The following CFAP221 variants were observed in gnomAD, a reference collection of about 807,000 sequenced individuals.
CFAP221 encodes cilia- and flagella-associated protein 221.
A neutral mutation model predicts 113.1 loss-of-function variants in CFAP221; 97 were observed. The observed-to-expected ratio is 0.86, with a 90% CI of 0.73 to 1.02. The LOEUF (loss-of-function observed/expected upper bound fraction) is 1.02, where lower values mean the gene tolerates loss of function less well. Among genes scored for constraint, CFAP221 ranks in the 50% least tolerant of loss-of-function variants. The pLI, the probability that CFAP221 is intolerant of heterozygous loss-of-function variation, is 0.00. For missense variants in CFAP221, 1,025 were observed against 1,013.4 expected, an observed-to-expected ratio of 1.01 and a Z score of -0.16; for synonymous variants, 331 against 354.4, an observed-to-expected ratio of 0.93 and a Z score of 0.74.
At chr2:119,630,049 T>C (rs753945922) in intron 17 of CFAP221, 94 bp downstream of exon 17, 11 of 1,093,856 alleles carry the variant, frequency 1.0e-5, no homozygotes, top group Admixed American at 2.1e-5. Context: ...AGTTTTGCTT[T>C]ATGGTAGATT....
chr2:119,561,866 T>C (rs1681265173), intron 5 of CFAP221, 148 bp from the exon 6 acceptor site: 2 of 603,958 alleles, frequency 3.3e-6, no homozygotes, highest in Non-Finnish European at 5.7e-6. Flanking sequence ...GAAAACTCAG[T>C]ATGTCTAATG....
intron 2 of CFAP221, among the ~76,000 whole-genome samples, chr2:119,548,721 A>G (rs1487460707): frequency 2.6e-5 from 4 of 152,228 alleles, no homozygotes; most frequent in Non-Finnish European, 5.9e-5. Context: ...TCATTATGTA[A>G]TAAGTAATCT....
chr2:119,590,924 T>C (rs1169489349), intron 7 of CFAP221, among the ~76,000 whole-genome samples: 1 of 152,120 alleles, frequency 6.6e-6, no homozygotes, highest in Non-Finnish European at 1.5e-5. Flanking sequence ...TGAGACCAGA[T>C]CTCCAGCACA....
intron 6 of CFAP221, among the ~76,000 whole-genome samples, chr2:119,573,712 T>C (rs1388704545): frequency 2.0e-5 from 3 of 152,180 alleles, no homozygotes; most frequent in Non-Finnish European, 2.9e-5. Flanking sequence ...AAAGAATTTT[T>C]AAAAAGCCTA....
At chr2:119,603,804 A>G (rs955075247) in intron 8 of CFAP221, among the ~76,000 whole-genome samples, 3 of 152,314 alleles carry the variant, frequency 2.0e-5, no homozygotes, top group Middle Eastern at 3.4e-3. Context: ...AATTTCTAAA[A>G]AAAGAAAAAA....
chr2:119,567,376 G>A (rs1259055321), intron 6 of CFAP221, among the ~76,000 whole-genome samples: 3 of 152,196 alleles, frequency 2.0e-5, no homozygotes, highest in South Asian at 2.1e-4. Context: ...ATAGTATTTA[G>A]TCTTTTTCTG....
intron 12 of CFAP221, 81 bp downstream of exon 12, chr2:119,608,670 G>A: frequency 8.3e-6 from 10 of 1,203,674 alleles, no homozygotes; most frequent in Non-Finnish European, 1.2e-5. Flanking sequence ...GCCAGGTGGA[G>A]GAAAACCCAC....
In CFAP221 at chr2:119,656,399, G is replaced by A. The variant is rs150186399; in HGVS notation, c.2452G>A (p.Gly818Arg). Residue 818 changes from glycine to arginine, a missense_variant, in exon 24 of 24, where the codon GGA becomes AGA. Gly to Arg is a moderately radical substitution (Grantham distance 125). Coordinates refer to ENST00000413369, the MANE Select transcript of CFAP221 (RefSeq NM_001271049.2). ...TCAAGCACAACCAGCAGAGAAGGCCGGAGAGAAGCTGCTCGAGGAGATGAG... is the reference window on the plus strand; with the variant it reads ...TCAAGCACAACCAGCAGAGAAGGCCAGAGAGAAGCTGCTCGAGGAGATGAG... ...KDQAQPAEKAGEKLLEEMRNL... is the reference protein window; with the variant it reads ...KDQAQPAEKAREKLLEEMRNL... 30 of 1,613,870 alleles carry A rather than the reference G, an allele frequency of 1.9e-5. No homozygotes were observed. Among genetic ancestry groups the A allele is most frequent in the African/African-American group, 4.0e-5 (3 of 74,876 alleles).
intron 5 of CFAP221, among the ~76,000 whole-genome samples, chr2:119,561,639 C>T (rs1255319619): frequency 1.3e-5 from 2 of 152,174 alleles, no homozygotes; most frequent in African/African-American, 4.8e-5. Context: ...ACATTGTTTT[C>T]TATTCTGTGC....
At chr2:119,570,339 C>G (rs990525181) in intron 6 of CFAP221, among the ~76,000 whole-genome samples, 3 of 152,208 alleles carry the variant, frequency 2.0e-5, no homozygotes, top group African/African-American at 7.2e-5. Context: ...TCTGATTTCA[C>G]AGCATGAACA....
intron 2 of CFAP221, among the ~76,000 whole-genome samples, chr2:119,547,377 T>C (rs368893479): frequency 6.6e-6 from 1 of 152,008 alleles, no homozygotes; most frequent in East Asian, 1.9e-4. Context: ...CTGAACAACA[T>C]GGTGAAACCC....
At chr2:119,658,760 C>T (rs974857835), downstream of CFAP221, among the ~76,000 whole-genome samples, 1 of 152,026 alleles carries the variant, frequency 6.6e-6, no homozygotes, top group Non-Finnish European at 1.5e-5. Flanking sequence ...GTGAGCAGAT[C>T]GCTTGAGCCT....
At chr2:119,546,061 A>G in intron 1 of CFAP221, 24 bp from the exon 2 acceptor site, 2 of 1,431,232 alleles carry the variant, frequency 1.4e-6, no homozygotes, top group East Asian at 2.5e-5. Context: ...ATGGATGATT[A>G]TACTGCTGCT....
intron 6 of CFAP221, among the ~76,000 whole-genome samples, chr2:119,586,525 C>T (rs546934519): frequency 2.0e-5 from 3 of 152,300 alleles, no homozygotes; most frequent in Non-Finnish European, 2.9e-5. Context: ...ACCTCCTCCA[C>T]GTTCTCTAAT....
At position 119,653,689 on chromosome 2, in the gene CFAP221, G is replaced by A. The variant is rs923841381; in HGVS notation, c.2414+1620G>A. Among the ~76,000 whole-genome samples the A allele has an allele frequency of 6.6e-5, 10 of 152,060 alleles. 1 individual carries two copies. Among genetic ancestry groups the A allele is most frequent in the East Asian group, 3.9e-4 (2 of 5,186 alleles). On this transcript the variant is annotated intron_variant, in intron 23 of 23. Coordinates refer to ENST00000413369, the MANE Select transcript of CFAP221 (RefSeq NM_001271049.2). ...CTTAGGATAAATTCTAGATCAATGCGCATTTTAAGGTTTTAATATATATTG... is the reference window on the plus strand; with the variant it reads ...CTTAGGATAAATTCTAGATCAATGCACATTTTAAGGTTTTAATATATATTG...
At chr2:119,651,942 C>A in intron 22 of CFAP221, 32 bp from the exon 23 acceptor site, 2 of 1,488,380 alleles carry the variant, frequency 1.3e-6, no homozygotes, top group Non-Finnish European at 1.9e-6. Context: ...GAAGGAAAAG[C>A]AGTGCCCACT....
intron 6 of CFAP221, 150 bp downstream of exon 6, chr2:119,562,264 AAAGC>A: frequency 8.7e-6 from 5 of 575,424 alleles, no homozygotes; most frequent in African/African-American, 1.9e-5. Context: ...AAAAAAAAAA[AAAGC>A]AAAAGCAAAA....
intron 13 of CFAP221, 133 bp downstream of exon 13, chr2:119,611,875 C>G: frequency 1.4e-6 from 1 of 738,922 alleles, no homozygotes. Context: ...CATACATTTT[C>G]AGAATGTTAC....
intron 14 of CFAP221, among the ~76,000 whole-genome samples, chr2:119,620,409 A>G (rs970723826): frequency 3.3e-5 from 5 of 152,246 alleles, no homozygotes; most frequent in Admixed American, 2.6e-4. Context: ...GAAACCCTAC[A>G]AGACCGAAGA....
Sources: gnomAD v4.1 joint callset for allele counts (sites outside exome capture counted in the v4.1 genomes callset) on GRCh38, gnomAD v4.1.1 for gene constraint, MANE v1.5 for transcripts, NCBI Gene and HGNC (gene_info 2026-07-23, HGNC 2026-07-21) for gene names.